GRIK3: variants seen among roughly 807,000 people sequenced by gnomAD.
GRIK3 encodes glutamate ionotropic receptor kainate type subunit 3.
A neutral mutation model predicts 102.5 loss-of-function variants in GRIK3; 29 were observed. That is an observed-to-expected ratio of 0.28 (90% CI 0.21 to 0.39). The LOEUF (loss-of-function observed/expected upper bound fraction) is 0.39. Among genes scored for constraint, GRIK3 ranks in the 10% least tolerant of loss-of-function variants. GRIK3 has a pLI of 1.00. For missense variants in GRIK3, 908 were observed against 1,252.4 expected (o/e 0.73, Z 4.15); for synonymous variants, 511 against 504.9 (o/e 1.01, Z -0.16).
intron 1 of GRIK3, among the ~76,000 whole-genome samples, chr1:37,000,514 G>T (rs1642465890): frequency 6.6e-6 from 1 of 152,176 alleles, no homozygotes; most frequent in African/African-American, 2.4e-5. Context: ...GTTCAGAGAG[G>T]TAAAATAACT....
chr1:36,958,220 G>A (rs1359065050), intron 1 of GRIK3, among the ~76,000 whole-genome samples: 4 of 103,696 alleles, frequency 3.9e-5, no homozygotes, highest in East Asian at 3.4e-4. Flanking sequence ...TGTGCCCCGT[G>A]AGCCTGTGTG....
At chr1:36,887,658 A>C (rs1641054664) in intron 2 of GRIK3, among the ~76,000 whole-genome samples, 1 of 151,704 alleles carries the variant, frequency 6.6e-6, no homozygotes, top group Non-Finnish European at 1.5e-5. Flanking sequence ...TGGGAGGCTG[A>C]GGCAGGAGAA....
chr1:36,980,764 C>G (rs1051816725), intron 1 of GRIK3, among the ~76,000 whole-genome samples: 6 of 152,090 alleles, frequency 3.9e-5, no homozygotes, highest in African/African-American at 4.8e-5. Flanking sequence ...AGTTTAGGCT[C>G]CACAGTGGCA....
Position 36,801,728 on chromosome 1 carries a change from G to T in GRIK3, c.*123C>A. 1 of 777,414 alleles carries T rather than the reference G, an allele frequency of 1.3e-6. No homozygotes were observed. The highest frequency in any genetic ancestry group is 1.9e-6 in the Non-Finnish European group (1 of 518,004). The allele number at this position is 777,414 out of a possible 1,614,324, so 48.2% of individuals were successfully genotyped here. A position where few individuals can be genotyped will look rare whatever the true frequency, so the allele number is the denominator to read the frequency against. ...GGCAGGTAAGGGCAGGAGGCTCCTG[G>T]CCCAACAGGCAGGTGGCAGCTCTGG... On this transcript the variant is annotated 3_prime_UTR_variant, in exon 16 of 16. Coordinates refer to ENST00000373091, the MANE Select transcript of GRIK3 (RefSeq NM_000831.4).
At chr1:36,999,373 C>A (rs72923871) in intron 1 of GRIK3, among the ~76,000 whole-genome samples, 96 of 152,114 alleles carry the variant, frequency 6.3e-4, no homozygotes, top group African/African-American at 2.0e-3. Context: ...AACTGCAAGT[C>A]GGGAGCCGGG....
chr1:36,873,122 C>T (rs1430142364), intron 3 of GRIK3, among the ~76,000 whole-genome samples: 1 of 152,214 alleles, frequency 6.6e-6, no homozygotes, highest in Non-Finnish European at 1.5e-5. Context: ...CCTCCTCTGG[C>T]CCCACCTCAT....
intron 1 of GRIK3, among the ~76,000 whole-genome samples, chr1:36,931,055 G>A (rs1166816781): frequency 3.9e-5 from 6 of 152,168 alleles, no homozygotes; most frequent in Admixed American, 6.5e-5. Context: ...GGTCACCATT[G>A]CAGCAGCTGA....
intron 1 of GRIK3, among the ~76,000 whole-genome samples, chr1:37,017,369 T>TAAAAAAAAAAAAAAAAAA (rs774819790): frequency 6.2e-5 from 3 of 48,524 alleles, no homozygotes; most frequent in African/African-American, 1.0e-4. Flanking sequence ...CCCTGTCTCT[T>TAAAAAAAAAAAAAAAAAA]AAAAAAAAAA....
intron 5 of GRIK3, among the ~76,000 whole-genome samples, chr1:36,864,075 A>G (rs1171512429): frequency 6.6e-6 from 1 of 152,172 alleles, no homozygotes; most frequent in Non-Finnish European, 1.5e-5. Context: ...AAGTGGCATT[A>G]GTTGTCATTG....
rs150825445 is a variant in GRIK3 at position 36,810,407 on chromosome 1, G to A, written c.2092-4081C>T. The stretch of plus-strand genomic sequence containing the variant: ...TCATCTGGAACAACCAATACACGGC[G>A]GTGTGCCAGGACAGAGATGCTTTTT... On this transcript the variant is annotated intron_variant, in intron 13 of 15. Coordinates refer to ENST00000373091, the MANE Select transcript of GRIK3 (RefSeq NM_000831.4). Among the ~76,000 whole-genome samples the A allele has an allele frequency of 2.4e-3, 370 of 152,296 alleles. 4 individuals are homozygous for A. The highest frequency in any genetic ancestry group is 7.9e-3 in the African/African-American group (330 of 41,556).
chr1:36,852,849 A>G (rs866450955), intron 8 of GRIK3, among the ~76,000 whole-genome samples: 52 of 152,270 alleles, frequency 3.4e-4, no homozygotes, highest in Admixed American at 5.9e-4. Context: ...CCCAGAATCC[A>G]GGTCCCAGGG....
At chr1:36,962,623 T>TGAGAGA in intron 1 of GRIK3, among the ~76,000 whole-genome samples, 1 of 126,344 alleles carries the variant, frequency 7.9e-6, no homozygotes, top group East Asian at 2.2e-4. Flanking sequence ...TGGAGGAAAG[T>TGAGAGA]GAGAGAGAGG....
Position 36,801,534 on chromosome 1 carries a change from G to A in GRIK3, c.*317C>T, listed in dbSNP as rs1184479221. The A allele has an allele frequency of 1.2e-5, 3 of 253,948 alleles. No individual in the cohort carries two copies. Among genetic ancestry groups the A allele is most frequent in the Admixed American group, 1.0e-4 (2 of 19,550 alleles). The allele number at this position is 253,948 out of a possible 1,614,324, so 15.7% of individuals were successfully genotyped here. On this transcript the variant is annotated 3_prime_UTR_variant, in exon 16 of 16. Transcript: ENST00000373091. Reference sequence around the variant, plus strand: ...TTTTCTGTGCCCTCTGCAGGGCTGCGGCAGAAACTTCTGACTCTGGAGGAG... The same window carrying A: ...TTTTCTGTGCCCTCTGCAGGGCTGCAGCAGAAACTTCTGACTCTGGAGGAG...
chr1:37,027,066 T>C (rs142339938), intron 1 of GRIK3, among the ~76,000 whole-genome samples: 108 of 152,166 alleles, frequency 7.1e-4, no homozygotes, highest in African/African-American at 2.4e-3. Context: ...AAAGCCTAGA[T>C]ACCGACTCAC....
At chr1:36,843,624 CA>C (rs1236380073) in intron 9 of GRIK3, among the ~76,000 whole-genome samples, 1 of 152,292 alleles carries the variant, frequency 6.6e-6, no homozygotes, top group Non-Finnish European at 1.5e-5. Flanking sequence ...TCCAGATCCC[CA>C]AATCAGGTAA....
chr1:36,973,667 G>T (rs1642167229), intron 1 of GRIK3, among the ~76,000 whole-genome samples: 1 of 151,272 alleles, frequency 6.6e-6, no homozygotes, highest in African/African-American at 2.4e-5. Context: ...GACCTCAGGT[G>T]ATCCACCTAC....
At chr1:36,895,101 C>A (rs1273784003) in intron 1 of GRIK3, among the ~76,000 whole-genome samples, 1 of 152,118 alleles carries the variant, frequency 6.6e-6, no homozygotes, top group Non-Finnish European at 1.5e-5. Flanking sequence ...CACAGGCTCA[C>A]CAAAAGACTG....
chr1:36,966,478 G>A (rs977550246), intron 1 of GRIK3, among the ~76,000 whole-genome samples: 1 of 152,104 alleles, frequency 6.6e-6, no homozygotes, highest in African/African-American at 2.4e-5. Flanking sequence ...GACAGCTCCA[G>A]CAAGGTTCTG....
intron 1 of GRIK3, among the ~76,000 whole-genome samples, chr1:36,904,319 A>G (rs1641262626): frequency 1.3e-5 from 2 of 152,340 alleles, no homozygotes; most frequent in South Asian, 4.1e-4. Flanking sequence ...AAGAATTCGT[A>G]CCAAAAGTTA....
Sources: allele counts gnomAD v4.1 joint callset (sites outside exome capture counted in the v4.1 genomes callset), GRCh38; gene constraint gnomAD v4.1.1; transcripts MANE v1.5; gene names NCBI Gene and HGNC (gene_info 2026-07-23, HGNC 2026-07-21).